TBC1D5: variants seen among roughly 807,000 people sequenced by gnomAD.
The protein encoded by TBC1D5 is TBC1 domain family member 5, also known as TBC1 domain family, member 5.
A neutral mutation model predicts 100.3 loss-of-function variants in TBC1D5; 75 were observed. The ratio of observed to expected loss-of-function variants is 0.75; its 90% CI spans 0.62 to 0.91. TBC1D5 has a LOEUF of 0.91. TBC1D5 is among the 40% of genes least tolerant of loss of function. The pLI, the probability that TBC1D5 is intolerant of heterozygous loss-of-function variation, is 0.00. For synonymous variants in TBC1D5, 323 were observed against 325.6 expected, an observed-to-expected ratio of 0.99 and a Z score of 0.09; for missense variants, 910 against 942.4, an observed-to-expected ratio of 0.97 and a Z score of 0.45.
At chr3:17,200,669 A>G (rs868395499) in intron 18 of TBC1D5, among the ~76,000 whole-genome samples, 1 of 152,232 alleles carries the variant, frequency 6.6e-6, no homozygotes, top group South Asian at 2.1e-4. Context: ...ATCTTAAATA[A>G]AAAGGAAGTT....
At chr3:17,541,618 A>T (rs2153423167) in intron 2 of TBC1D5, among the ~76,000 whole-genome samples, 1 of 152,304 alleles carries the variant, frequency 6.6e-6, no homozygotes, top group Middle Eastern at 3.4e-3. Flanking sequence ...TAGATGTAAG[A>T]CTACATATCA....
intron 8 of TBC1D5, among the ~76,000 whole-genome samples, chr3:17,396,936 T>A (rs1183567701): frequency 6.6e-6 from 1 of 152,140 alleles, no homozygotes; most frequent in East Asian, 1.9e-4. Context: ...ATGAATTATC[T>A]ATACAGCACT....
intron 2 of TBC1D5, among the ~76,000 whole-genome samples, chr3:17,527,759 C>G (rs1338858716): frequency 6.6e-6 from 1 of 151,668 alleles, no homozygotes; most frequent in Non-Finnish European, 1.5e-5. Flanking sequence ...GAAGGTAAAC[C>G]AAGTAACATA....
At chr3:17,328,266 CTCTT>C (rs1372883337) in intron 13 of TBC1D5, among the ~76,000 whole-genome samples, 1 of 147,822 alleles carries the variant, frequency 6.8e-6, no homozygotes, top group Admixed American at 6.6e-5. Flanking sequence ...GAGACCCTGT[CTCTT>C]TATTTAAAAA....
intron 2 of TBC1D5, among the ~76,000 whole-genome samples, chr3:17,529,429 C>T (rs912733841): frequency 6.6e-6 from 1 of 152,024 alleles, no homozygotes; most frequent in African/African-American, 2.4e-5. Context: ...AGTTCTCTTC[C>T]TTACTTGACT....
intron 13 of TBC1D5, among the ~76,000 whole-genome samples, chr3:17,350,271 G>C (rs2090404188): frequency 6.6e-6 from 1 of 151,988 alleles, no homozygotes. Flanking sequence ...AGAAAAAAAA[G>C]GAAAACAGAA....
intron 1 of TBC1D5, among the ~76,000 whole-genome samples, chr3:17,637,613 A>C (rs1376037479): frequency 2.2e-4 from 34 of 152,202 alleles, no homozygotes; most frequent in Non-Finnish European, 4.4e-5. Context: ...AAGGACAAAA[A>C]GTGAACAAAA....
chr3:17,163,711 CATG>C (rs1404913596), intron 21 of TBC1D5, among the ~76,000 whole-genome samples: 1 of 152,182 alleles, frequency 6.6e-6, no homozygotes, highest in Non-Finnish European at 1.5e-5. Flanking sequence ...AGACATTTTC[CATG>C]ATGATGGAAA....
chr3:17,352,661 A>G (rs2090740482), intron 13 of TBC1D5, among the ~76,000 whole-genome samples: 1 of 150,438 alleles, frequency 6.6e-6, no homozygotes, highest in Non-Finnish European at 1.5e-5. Flanking sequence ...AACCATCTCT[A>G]ACTACAATAC....
chr3:17,691,520 G>C (rs751331653), intron 1 of TBC1D5, among the ~76,000 whole-genome samples: 1 of 152,100 alleles, frequency 6.6e-6, no homozygotes, highest in Non-Finnish European at 1.5e-5. Flanking sequence ...AATGCTCCAC[G>C]AAAGAAAATG....
intron 3 of TBC1D5, among the ~76,000 whole-genome samples, chr3:17,468,931 C>T (rs1014064388): frequency 6.6e-6 from 1 of 152,192 alleles, no homozygotes; most frequent in Non-Finnish European, 1.5e-5. Flanking sequence ...TCAGACTCTG[C>T]ACCAGGATAT....
At chr3:17,723,535 G>A (rs766968248) in intron 1 of TBC1D5, among the ~76,000 whole-genome samples, 2 of 152,074 alleles carry the variant, frequency 1.3e-5, no homozygotes, top group African/African-American at 2.4e-5. Context: ...AATTTTCTAA[G>A]AATAAAATAA....
chr3:17,741,625 C>G (rs1026596187), upstream of TBC1D5, among the ~76,000 whole-genome samples: 2 of 151,654 alleles, frequency 1.3e-5, no homozygotes, highest in Admixed American at 1.3e-4. Context: ...AGTTATTATT[C>G]GAAAAAAACC....
chr3:17,683,294 G>T (rs2069757609), intron 1 of TBC1D5, among the ~76,000 whole-genome samples: 1 of 151,122 alleles, frequency 6.6e-6, no homozygotes, highest in Non-Finnish European at 1.5e-5. Context: ...TTTTTTTAAG[G>T]AAATTAAATT....
chr3:17,426,794 A>G (rs1001344552), intron 4 of TBC1D5, among the ~76,000 whole-genome samples: 11 of 152,062 alleles, frequency 7.2e-5, no homozygotes, highest in Non-Finnish European at 1.5e-4. Flanking sequence ...ACTATTTACT[A>G]TAATTAGCTA....
intron 15 of TBC1D5, among the ~76,000 whole-genome samples, chr3:17,277,457 TC>T (rs2149813657): frequency 6.6e-6 from 1 of 152,294 alleles, no homozygotes; most frequent in African/African-American, 2.4e-5. Context: ...TATTATTGTT[TC>T]CCCCATCAAT....
chr3:17,713,794 T>A (rs967288619), intron 1 of TBC1D5, among the ~76,000 whole-genome samples: 1 of 152,090 alleles, frequency 6.6e-6, no homozygotes, highest in African/African-American at 2.4e-5. Flanking sequence ...CTCAACATCA[T>A]TAGTCATCAT....
At chr3:17,260,907 C>T (rs1022212476) in intron 15 of TBC1D5, among the ~76,000 whole-genome samples, 19 of 152,246 alleles carry the variant, frequency 1.2e-4, no homozygotes, top group African/African-American at 4.6e-4. Context: ...TCACATTGTT[C>T]CTTTTGTACA....
At chr3:17,543,438 G>A (rs2096379461) in intron 2 of TBC1D5, among the ~76,000 whole-genome samples, 1 of 152,074 alleles carries the variant, frequency 6.6e-6, no homozygotes, top group African/African-American at 2.4e-5. Flanking sequence ...TTCGAAACCA[G>A]CCTGGGTAAC....
Sources: allele counts gnomAD v4.1 joint callset (sites outside exome capture counted in the v4.1 genomes callset), GRCh38; gene constraint gnomAD v4.1.1; transcripts MANE v1.5; gene names NCBI Gene and HGNC (gene_info 2026-07-23, HGNC 2026-07-21).